DCTN4: variants seen among roughly 807,000 people sequenced by gnomAD.
DCTN4 encodes the protein dynactin 4 (p62).
DCTN4 carries 23 observed loss-of-function variants against 62.7 expected under a neutral mutation model. The ratio of observed to expected loss-of-function variants is 0.37; its 90% CI spans 0.26 to 0.52. DCTN4 has a LOEUF of 0.52. Ranked by LOEUF, DCTN4 falls within the 20% of genes least tolerant of loss-of-function variation. DCTN4 has a pLI of 0.92. For missense variants in DCTN4, 514 were observed against 580.4 expected (o/e 0.89, Z 1.18); for synonymous variants, 199 against 202.1 (o/e 0.98, Z 0.13).
intron 3 of DCTN4, among the ~76,000 whole-genome samples, chr5:150,752,768 T>C (rs1358146488): frequency 6.6e-6 from 1 of 152,254 alleles, no homozygotes; most frequent in Non-Finnish European, 1.5e-5. Flanking sequence ...CTAAGTCTTT[T>C]TCTTATTGAC....
intron 8 of DCTN4, among the ~76,000 whole-genome samples, chr5:150,727,083 C>T (rs1760172747): frequency 6.6e-6 from 1 of 152,082 alleles, no homozygotes; most frequent in African/African-American, 2.4e-5. Context: ...AGGATAATGG[C>T]GGGGAGGATT....
chr5:150,718,872 G>A (rs1430370841), intron 10 of DCTN4, among the ~76,000 whole-genome samples: 2 of 151,858 alleles, frequency 1.3e-5, no homozygotes, highest in Non-Finnish European at 2.9e-5. Context: ...AGGCTGGAGT[G>A]CAGTGGCATG....
chr5:150,747,331 G>A (rs1434625211), intron 3 of DCTN4, among the ~76,000 whole-genome samples: 1 of 152,350 alleles, frequency 6.6e-6, no homozygotes, highest in Non-Finnish European at 1.5e-5. Context: ...TCATGGGTAG[G>A]AAGAATCAAT....
intron 4 of DCTN4, among the ~76,000 whole-genome samples, chr5:150,737,964 A>T (rs1760638636): frequency 6.6e-6 from 1 of 152,194 alleles, no homozygotes; most frequent in Non-Finnish European, 1.5e-5. Context: ...AACAGAAAAG[A>T]TCATTCAGGG....
At chr5:150,745,384 A>T (rs1194577247) in intron 3 of DCTN4, among the ~76,000 whole-genome samples, 1 of 151,940 alleles carries the variant, frequency 6.6e-6, no homozygotes, top group East Asian at 1.9e-4. Context: ...CAGATCAACG[A>T]GACAGAAAGT....
chr5:150,752,617 CATG>C (rs1304543484), intron 3 of DCTN4, among the ~76,000 whole-genome samples: 1 of 152,162 alleles, frequency 6.6e-6, no homozygotes, highest in East Asian at 1.9e-4. Context: ...CCAGATTAAA[CATG>C]TTGTACCAAA....
chr5:150,738,346 C>T (rs1760652756), intron 4 of DCTN4, among the ~76,000 whole-genome samples: 1 of 152,118 alleles, frequency 6.6e-6, no homozygotes, highest in Non-Finnish European at 1.5e-5. Flanking sequence ...CCCTGATGAA[C>T]ATGGATGCAA....
At chr5:150,742,005 T>C (rs910425420) in intron 4 of DCTN4, 109 bp downstream of exon 4, 14 of 916,608 alleles carry the variant, frequency 1.5e-5, no homozygotes, top group Admixed American at 5.3e-5. Context: ...CAAAGACGTA[T>C]TATGGACTTA....
chr5:150,735,914 T>TAAAAAAAA (rs4036951), intron 4 of DCTN4, among the ~76,000 whole-genome samples: 1 of 126,110 alleles, frequency 7.9e-6, no homozygotes, highest in African/African-American at 2.8e-5. Context: ...TTAAGGGAAT[T>TAAAAAAAA]AAAAAAAAAA....
chr5:150,743,546 C>T (rs1464699387), intron 3 of DCTN4, among the ~76,000 whole-genome samples: 1 of 152,182 alleles, frequency 6.6e-6, no homozygotes, highest in Non-Finnish European at 1.5e-5. Flanking sequence ...CTGGGAGGCA[C>T]CCTCCAGTAG....
chr5:150,731,616 A>C, intron 5 of DCTN4, 127 bp from the exon 6 acceptor site: 1 of 741,696 alleles, frequency 1.3e-6, no homozygotes, highest in Non-Finnish European at 2.2e-6. Context: ...GCTAATCTAA[A>C]GGCTTCTTTT....
Position 150,722,891 on chromosome 5 carries a change from A to G in DCTN4, c.908+16T>C. Reference sequence around the variant, plus strand: ...CTCAAAACAGTAACTGAAAACACCAATCCCAAAATACTTACACAGCGACCA... The same window carrying G: ...CTCAAAACAGTAACTGAAAACACCAGTCCCAAAATACTTACACAGCGACCA... On this transcript the variant is annotated intron_variant, in intron 9 of 12. Transcript: ENST00000447998. 1 of 1,604,248 alleles carries G rather than the reference A, an allele frequency of 6.2e-7. No homozygotes were observed. Among genetic ancestry groups the G allele is most frequent in the South Asian group, 1.1e-5 (1 of 90,064 alleles).
At chr5:150,724,145 A>G (rs1209163999) in intron 8 of DCTN4, among the ~76,000 whole-genome samples, 1 of 152,200 alleles carries the variant, frequency 6.6e-6, no homozygotes, top group Non-Finnish European at 1.5e-5. Flanking sequence ...ACGATTATGA[A>G]ATGATATTCC....
chr5:150,710,712 G>C lies in DCTN4; in HGVS notation c.*437C>G, dbSNP rs934907661. The C allele has an allele frequency of 5.7e-6, 1 of 176,562 alleles. No homozygotes were observed. The highest frequency in any genetic ancestry group is 1.2e-5 in the Non-Finnish European group (1 of 81,028). The allele number at this position is 176,562 out of a possible 1,614,324, so 10.9% of individuals were successfully genotyped here. ...ATTTAACGGAATGCAGAAAGCAGTT[G>C]GTACATTGTGACCAATGCTGGATCA... On this transcript the variant is annotated 3_prime_UTR_variant, in exon 13 of 13. Coordinates refer to ENST00000447998, the MANE Select transcript of DCTN4 (RefSeq NM_016221.4).
chr5:150,750,864 G>A (rs1752646335), intron 3 of DCTN4, among the ~76,000 whole-genome samples: 1 of 152,046 alleles, frequency 6.6e-6, no homozygotes, highest in Non-Finnish European at 1.5e-5. Context: ...CTTAAACTGG[G>A]TGATAAGTAC....
intron 11 of DCTN4, among the ~76,000 whole-genome samples, chr5:150,717,155 C>T (rs1214221400): frequency 6.6e-6 from 1 of 152,116 alleles, no homozygotes; most frequent in Non-Finnish European, 1.5e-5. Context: ...GGCTCTTGTT[C>T]TAAAATTTCA....
At chr5:150,750,462 T>G (rs980117483) in intron 3 of DCTN4, among the ~76,000 whole-genome samples, 1 of 152,224 alleles carries the variant, frequency 6.6e-6, no homozygotes, top group African/African-American at 2.4e-5. Flanking sequence ...TCTAGTTATA[T>G]AGAAAAGTCC....
intron 3 of DCTN4, among the ~76,000 whole-genome samples, chr5:150,750,161 A>ATT (rs1187263737): frequency 6.6e-6 from 1 of 152,158 alleles, no homozygotes; most frequent in Non-Finnish European, 1.5e-5. Context: ...TGGCTATGTG[A>ATT]TTACACACTT....
Position 150,727,110 on chromosome 5 carries a change from A to G in DCTN4, c.834+3521T>C, listed in dbSNP as rs553959546. Among the ~76,000 whole-genome samples, 3 of 152,232 alleles carry G rather than the reference A, an allele frequency of 2.0e-5. No individual in the cohort carries two copies. In the East Asian group the frequency reaches 5.8e-4, roughly 29 times the overall value. On this transcript the variant is annotated intron_variant, in intron 8 of 12. Transcript: ENST00000447998. Reference sequence around the variant, plus strand: ...GGGAGGATTGGCCTAACTAACCACTAAGTGAATTGTACTGCAGCTTTGATT... The same window carrying G: ...GGGAGGATTGGCCTAACTAACCACTGAGTGAATTGTACTGCAGCTTTGATT...
Sources: allele counts gnomAD v4.1 joint callset (sites outside exome capture counted in the v4.1 genomes callset), GRCh38; gene constraint gnomAD v4.1.1; transcripts MANE v1.5; gene names NCBI Gene and HGNC (gene_info 2026-07-23, HGNC 2026-07-21).